The following STAT5B variants were observed in gnomAD, a reference collection of about 807,000 sequenced individuals.
STAT5B encodes the protein signal transducer and activator of transcription 5B, also known as transcription factor STAT5B.
A neutral mutation model predicts 107.8 loss-of-function variants in STAT5B; 21 were observed. The observed-to-expected ratio is 0.19, with a 90% CI of 0.14 to 0.28. The LOEUF (loss-of-function observed/expected upper bound fraction) is 0.28, where lower values mean the gene tolerates loss of function less well. Among genes scored for constraint, STAT5B ranks in the 10% least tolerant of loss-of-function variants. STAT5B has a pLI of 1.00. For synonymous variants in STAT5B, 325 were observed against 401.7 expected (o/e 0.81, Z 2.28); for missense variants, 565 against 1,008.2 (o/e 0.56, Z 5.95).
In STAT5B at chr17:42,256,577, C is replaced by T. The variant is rs1037865863; in HGVS notation, c.-11+19671G>A. 5.3e-5 allele frequency among the ~76,000 whole-genome samples: 8 copies of T among 152,030 alleles called. 1 individual carries two copies. The highest frequency in any genetic ancestry group is 1.7e-4 in the African/African-American group (7 of 41,450). ...ACAGTATTTTAAGATAGACTACATT[C>T]GGCCAGGCACAGTGGCTCACGCCTG... On this transcript the variant is annotated intron_variant, in intron 1 of 18. Transcript: ENST00000293328.
chr17:42,201,704 A>C lies in STAT5B; in HGVS notation c.*34T>G. The C allele has an allele frequency of 7.7e-7, 1 of 1,291,896 alleles. No individual in the cohort carries two copies. Among genetic ancestry groups the C allele is most frequent in the Non-Finnish European group, 1.1e-6 (1 of 885,772 alleles). The allele number at this position is 1,291,896 out of a possible 1,614,324, so 80.0% of individuals were successfully genotyped here. A position where few individuals can be genotyped will look rare whatever the true frequency, so the allele number is the denominator to read the frequency against. On this transcript the variant is annotated 3_prime_UTR_variant, in exon 19 of 19. Transcript: ENST00000293328. ...TCCACAAGAGTGATTCCTCTGGTGAAGATGAAGAAGCTGAAGATGGAGAGG... is the reference window on the plus strand; with the variant it reads ...TCCACAAGAGTGATTCCTCTGGTGACGATGAAGAAGCTGAAGATGGAGAGG...
intron 16 of STAT5B, among the ~76,000 whole-genome samples, chr17:42,204,750 G>A (rs1358744711): frequency 6.6e-6 from 1 of 152,216 alleles, no homozygotes. Flanking sequence ...GAGTAGCTGG[G>A]ACTACAGGCA....
At chr17:42,211,949 C>T in intron 13 of STAT5B, 35 bp downstream of exon 13, 2 of 1,581,558 alleles carry the variant, frequency 1.3e-6, no homozygotes, top group Non-Finnish European at 1.7e-6. Context: ...TTGGGAAGGA[C>T]TGATCTAACA....
At chr17:42,265,377 C>CCTTTTTTTTTTTTTTTTTTTT (rs1555553898) in intron 1 of STAT5B, among the ~76,000 whole-genome samples, 1 of 110,596 alleles carries the variant, frequency 9.0e-6, no homozygotes, top group African/African-American at 3.6e-5. Context: ...ATGTACTCTT[C>CCTTTTTTTTTTTTTTTTTTTT]TTTTTTTTTT....
chr17:42,262,236 C>CTGTATCCT (rs1264568021), intron 1 of STAT5B, among the ~76,000 whole-genome samples: 1 of 152,080 alleles, frequency 6.6e-6, no homozygotes, highest in Non-Finnish European at 1.5e-5. Flanking sequence ...TCACAGCTCA[C>CTGTATCCT]TGTATCCTCC....
At chr17:42,254,148 G>A (rs376211374) in intron 1 of STAT5B, among the ~76,000 whole-genome samples, 18 of 152,224 alleles carry the variant, frequency 1.2e-4, no homozygotes, top group African/African-American at 4.3e-4. Flanking sequence ...TGCTGAGGCA[G>A]GAGGATCACT....
At chr17:42,268,986 A>T (rs2080698532) in intron 1 of STAT5B, among the ~76,000 whole-genome samples, 1 of 152,212 alleles carries the variant, frequency 6.6e-6, no homozygotes, top group African/African-American at 2.4e-5. Flanking sequence ...TATGAATGTA[A>T]CTTAACATTT....
upstream of STAT5B, among the ~76,000 whole-genome samples, chr17:42,279,162 C>T (rs527293213): frequency 1.3e-5 from 2 of 148,934 alleles, no homozygotes; most frequent in Non-Finnish European, 3.0e-5. Flanking sequence ...CCAGCCTGGG[C>T]GACAGAGTGA....
chr17:42,267,037 TA>T (rs1254163656), intron 1 of STAT5B, among the ~76,000 whole-genome samples: 1 of 152,060 alleles, frequency 6.6e-6, no homozygotes, highest in Non-Finnish European at 1.5e-5. Context: ...CATAAGATAA[TA>T]AAACGTAGCT....
chr17:42,282,680 C>G, the STAT5B span, among the ~76,000 whole-genome samples: 3 of 152,148 alleles, frequency 2.0e-5, no homozygotes, highest in African/African-American at 7.2e-5. Context: ...GTGGGTCTTG[C>G]TATTTCTTTA....
chr17:42,209,464 G>A (rs2080111878), intron 15 of STAT5B, among the ~76,000 whole-genome samples: 1 of 152,232 alleles, frequency 6.6e-6, no homozygotes, highest in Admixed American at 6.5e-5. Flanking sequence ...AGTGGCTCAA[G>A]CCCGTAATCC....
chr17:42,214,410 G>A, intron 12 of STAT5B: 1 of 984,304 alleles, frequency 1.0e-6, no homozygotes, highest in African/African-American at 1.8e-5. Context: ...AGTGAAGTAT[G>A]GTAAATCTCT....
chr17:42,223,619 CCCAGGAAAAG>C, intron 4 of STAT5B, 63 bp from the exon 5 acceptor site: 3 of 1,591,018 alleles, frequency 1.9e-6, no homozygotes, highest in Middle Eastern at 1.7e-4. Context: ...GGCCTTAATC[CCCAGGAAAAG>C]CCAGCTCCTA....
intron 1 of STAT5B, chr17:42,272,209 T>C (rs2080726879): frequency 6.6e-6 from 1 of 152,224 alleles, no homozygotes; most frequent in Non-Finnish European, 1.5e-5. Flanking sequence ...CTGAAGGTGA[T>C]TCCTCCTGAG....
At chr17:42,274,916 A>G (rs1445832652) in intron 1 of STAT5B, 1 of 152,242 alleles carries the variant, frequency 6.6e-6, no homozygotes, top group Non-Finnish European at 1.5e-5. Flanking sequence ...AGCAGACCAT[A>G]AACACCACTT....
chr17:42,213,967 C>T (rs1205523716), intron 12 of STAT5B, among the ~76,000 whole-genome samples: 1 of 150,516 alleles, frequency 6.6e-6, no homozygotes, highest in African/African-American at 2.4e-5. Context: ...CATGGTGAGA[C>T]CTGGTCTCTA....
intron 16 of STAT5B, among the ~76,000 whole-genome samples, chr17:42,204,434 TTAAG>T (rs2080070430): frequency 6.6e-6 from 1 of 152,192 alleles, no homozygotes; most frequent in African/African-American, 2.4e-5. Flanking sequence ...AGCTTGTCAT[TTAAG>T]TAGCCCAAGA....
intron 12 of STAT5B, among the ~76,000 whole-genome samples, chr17:42,215,136 A>T (rs1433222511): frequency 6.6e-6 from 1 of 152,176 alleles, no homozygotes; most frequent in Non-Finnish European, 1.5e-5. Context: ...ATCTTCCTTG[A>T]GGCAAAGTAT....
rs1266400405 is a variant in STAT5B, at chr17:42,276,194, T to TCCCCGGCCTGGCTC, written c.-11+40_-11+53dup. On this transcript the variant is annotated intron_variant, in intron 1 of 18. Transcript: ENST00000293328. The surrounding 1 kb of genome is among the most constrained non-coding windows in gnomAD (Gnocchi z 4.8). ...GAGCGCGGGCCCCGCCCGGGCTGGC[T>TCCCCGGCCTGGCTC]CCCCGGCCTGGCTCCCCCGGCCCCG... 6.8e-6 allele frequency: 1 copy of TCCCCGGCCTGGCTC among 146,592 alleles called. No homozygotes were observed. Among genetic ancestry groups the TCCCCGGCCTGGCTC allele is most frequent in the Non-Finnish European group, 1.5e-5 (1 of 66,130 alleles). 9.1% of individuals were successfully genotyped at this position (146,592 alleles called of 1,614,324 possible).
Sources: allele counts gnomAD v4.1 joint callset (sites outside exome capture counted in the v4.1 genomes callset), GRCh38; gene constraint gnomAD v4.1.1; non-coding constraint Gnocchi (gnomAD v3.1); transcripts MANE v1.5; gene names NCBI Gene and HGNC (gene_info 2026-07-23, HGNC 2026-07-21).